ZNF676: variants seen among roughly 807,000 people sequenced by gnomAD.
The protein encoded by ZNF676 is zinc finger protein 676.
A neutral mutation model predicts 6.0 loss-of-function variants in ZNF676; 4 were observed. That is an observed-to-expected ratio of 0.67 (90% CI 0.33 to 1.53). The LOEUF (loss-of-function observed/expected upper bound fraction) is 1.53, where lower values mean the gene tolerates loss of function less well. Ranked by LOEUF, ZNF676 falls within the 40% of genes most tolerant of loss-of-function variation. The probability of loss-of-function intolerance (pLI) is 0.06; values close to 1 mark genes in which losing one functional copy is unlikely to be tolerated. For missense variants in ZNF676, 644 were observed against 679.7 expected, an observed-to-expected ratio of 0.95 and a Z score of 0.58; for synonymous variants, 198 against 223.1, an observed-to-expected ratio of 0.89 and a Z score of 1.00.
chr19:22,189,539 G>C (rs760299552), intron 2 of ZNF676, among the ~76,000 whole-genome samples: 1 of 152,076 alleles, frequency 6.6e-6, no homozygotes, highest in Non-Finnish European at 1.5e-5. Context: ...TTTAACTAAA[G>C]AGCTTCTACA....
chr19:22,189,175 A>G (rs2023873823), intron 2 of ZNF676, among the ~76,000 whole-genome samples: 1 of 152,176 alleles, frequency 6.6e-6, no homozygotes, highest in African/African-American at 2.4e-5. Flanking sequence ...CAACTGAAAC[A>G]GAACAGAGCC....
At chr19:22,223,127 A>G in the ZNF676 span, among the ~76,000 whole-genome samples, 1 of 152,114 alleles carries the variant, frequency 6.6e-6, no homozygotes, top group Non-Finnish European at 1.5e-5. Context: ...TGGAATGGTT[A>G]TAGGATAAGT....
chr19:22,187,869 C>T (rs1442320691), intron 2 of ZNF676, among the ~76,000 whole-genome samples: 3 of 152,038 alleles, frequency 2.0e-5, no homozygotes, highest in African/African-American at 7.2e-5. Flanking sequence ...GAAATTGAGG[C>T]GGTACTTATG....
At chr19:22,228,616 C>T in the ZNF676 span, among the ~76,000 whole-genome samples, 3,394 of 152,140 alleles carry the variant, frequency 0.022, 122 homozygotes, top group African/African-American at 0.077. Flanking sequence ...CCATCATCTC[C>T]GCCCCAAATC....
chr19:22,197,466 A>AT (rs11340000), upstream of ZNF676, among the ~76,000 whole-genome samples: 480 of 149,084 alleles, frequency 3.2e-3, 3 homozygotes, highest in African/African-American at 9.5e-3. Flanking sequence ...TGTTAATGCA[A>AT]TTTTTTTTTT....
intron 2 of ZNF676, among the ~76,000 whole-genome samples, chr19:22,183,194 G>A (rs2023785763): frequency 6.6e-6 from 1 of 151,364 alleles, no homozygotes; most frequent in African/African-American, 2.4e-5. Flanking sequence ...AAGAAACAAA[G>A]GAAGACAGAA....
At chr19:22,242,561 G>A in the ZNF676 span, among the ~76,000 whole-genome samples, 7,158 of 151,924 alleles carry the variant, frequency 0.047, 659 homozygotes, top group African/African-American at 0.16. Context: ...TGTATGCAAG[G>A]CCCAAGCAGG....
chr19:22,181,725 G>C, intron 2 of ZNF676, 139 bp from the exon 3 acceptor site: 1 of 607,596 alleles, frequency 1.6e-6, no homozygotes, highest in Non-Finnish European at 2.7e-6. Flanking sequence ...ATTCTTCATA[G>C]ATATATAAAT....
chr19:22,210,762 A>T (rs1022328598), intron 1 of ZNF676, among the ~76,000 whole-genome samples: 1 of 152,198 alleles, frequency 6.6e-6, no homozygotes, highest in Non-Finnish European at 1.5e-5. Flanking sequence ...TCAGTGGTCA[A>T]CATAAAATAC....
chr19:22,230,659 A>G, the ZNF676 span, among the ~76,000 whole-genome samples: 3 of 118,970 alleles, frequency 2.5e-5, no homozygotes, highest in East Asian at 6.9e-4. Flanking sequence ...ATGTATTTGT[A>G]TATATATATA....
exon 1 of ZNF676, chr19:22,215,749 G>A (rs1475325891): frequency 5.5e-5 from 74 of 1,355,100 alleles, no homozygotes; most frequent in Admixed American, 1.2e-4. Context: ...CTTTACCTCC[G>A]GCTGCAGCGA....
chr19:22,251,691 G>A, the ZNF676 span, among the ~76,000 whole-genome samples: 1 of 151,780 alleles, frequency 6.6e-6, no homozygotes, highest in African/African-American at 2.4e-5. Context: ...AGGAAGCTAA[G>A]GCAGGAGAAT....
intron 2 of ZNF676, among the ~76,000 whole-genome samples, chr19:22,182,668 GA>G (rs55861617): frequency 0.65 from 86,390 of 132,016 alleles, 27,099 homozygotes; most frequent in South Asian, 0.83. Flanking sequence ...CTGCCTAAAA[GA>G]AAAAAAAAAA....
At chr19:22,193,739 A>T (rs529588946) in intron 1 of ZNF676, among the ~76,000 whole-genome samples, 1 of 152,278 alleles carries the variant, frequency 6.6e-6, no homozygotes, top group East Asian at 1.9e-4. Context: ...GGGAACCTTT[A>T]GGACCTTGTG....
Position 22,181,118 on chromosome 19 carries a change from T to C in ZNF676, c.599A>G (p.Glu200Gly), listed in dbSNP as rs772169464. 1.1e-5 allele frequency: 18 copies of C among 1,613,690 alleles called. No individual in the cohort carries two copies. The African/African-American group carries it at 2.4e-4, about 22-fold the overall frequency. ...CTTACTAAAGGCTTTGCCACATTCT[T>C]CACATTTGTAGGGTTTCTCTCCAGT... ...IHTGEKPYKC[E>G]ECGKAFSKFS... The change falls in exon 3 of 3, where the codon GAA becomes GGA. Residue 200 changes from glutamate to glycine, a missense_variant. Physicochemically the swap from Glu to Gly is moderately conservative, Grantham distance 98. Coordinates refer to ENST00000397121, the MANE Select transcript of ZNF676 (RefSeq NM_001001411.3).
chr19:22,184,172 G>A (rs2023799523), intron 2 of ZNF676, among the ~76,000 whole-genome samples: 1 of 152,136 alleles, frequency 6.6e-6, no homozygotes, highest in Non-Finnish European at 1.5e-5. Flanking sequence ...TTATCTCAAC[G>A]GGACTGGTTG....
intron 2 of ZNF676, 40 bp from the exon 3 acceptor site, chr19:22,181,626 G>C: frequency 7.0e-7 from 1 of 1,425,708 alleles, no homozygotes; most frequent in Middle Eastern, 1.8e-4. Flanking sequence ...CTACATATTA[G>C]ACTCAGATAA....
chr19:22,229,972 A>T, the ZNF676 span, among the ~76,000 whole-genome samples: 3 of 152,210 alleles, frequency 2.0e-5, no homozygotes, highest in Non-Finnish European at 4.4e-5. Context: ...CAGAAATACC[A>T]TTTGACCCAG....
chr19:22,201,731 CAAAAAAA>C (rs35526921), upstream of ZNF676, among the ~76,000 whole-genome samples: 1,191 of 76,288 alleles, frequency 0.016, 13 homozygotes, highest in African/African-American at 0.05. Flanking sequence ...TTTGTAAAGG[CAAAAAAA>C]AAAAAAAAAA....
Sources: gnomAD v4.1 joint callset for allele counts (sites outside exome capture counted in the v4.1 genomes callset) on GRCh38, gnomAD v4.1.1 for gene constraint, MANE v1.5 for transcripts, NCBI Gene and HGNC (gene_info 2026-07-23, HGNC 2026-07-21) for gene names.